The following CXADR variants were observed in gnomAD, a reference collection of about 807,000 sequenced individuals.
CXADR encodes the protein coxsackievirus and adenovirus receptor.
CXADR carries 20 observed loss-of-function variants against 40.3 expected under a neutral mutation model. The ratio of observed to expected loss-of-function variants is 0.50; its 90% confidence interval spans 0.35 to 0.72. The LOEUF (loss-of-function observed/expected upper bound fraction) is 0.72. Ranked by LOEUF, CXADR falls within the 30% of genes least tolerant of loss-of-function variation. CXADR has a pLI of 0.01. For missense variants in CXADR, 332 were observed against 449.1 expected, an observed-to-expected ratio of 0.74 and a Z score of 2.36; for synonymous variants, 150 against 161.3, an observed-to-expected ratio of 0.93 and a Z score of 0.53.
At position 17,551,846 on chromosome 21, in the gene CXADR, C is replaced by T. The variant is rs756663658; in HGVS notation, c.308C>T (p.Ala103Val). 7.4e-6 allele frequency: 12 copies of T among 1,613,850 alleles called. No individual in the cohort carries two copies. In the Admixed American group the frequency reaches 1.0e-4, roughly 13 times the overall value. The change falls in exon 3 of 7, where the codon GCA becomes GTA. Residue 103 changes from alanine to valine, a missense_variant. Physicochemically the swap from Ala to Val is moderately conservative, Grantham distance 64. This residue lies in a region of CXADR where 162 missense variants were observed against 198.5 expected (regional missense o/e 0.82). Transcript: ENST00000284878. ...FTSNDLKSGDASINVTNLQLS... is the reference protein window; with the variant it reads ...FTSNDLKSGDVSINVTNLQLS... The stretch of plus-strand genomic sequence containing the variant: ...AGTAATGATCTCAAATCTGGTGATG[C>T]ATCAATAAATGTAACGAATTTACAA...
At chr21:17,588,272 A>C (rs538464631) in intron 7 of CXADR, among the ~76,000 whole-genome samples, 139 of 152,322 alleles carry the variant, frequency 9.1e-4, no homozygotes, top group African/African-American at 3.3e-3. Flanking sequence ...TCTGTGAAGA[A>C]AGTCATTGGT....
chr21:17,609,097 A>T, the CXADR span: 33 of 1,613,930 alleles, frequency 2.0e-5, no homozygotes, highest in Non-Finnish European at 2.7e-5. Context: ...CATGTTTTCG[A>T]ACTAGCCTTG....
At chr21:17,556,430 C>G (rs191713567) in intron 3 of CXADR, among the ~76,000 whole-genome samples, 1 of 151,994 alleles carries the variant, frequency 6.6e-6, no homozygotes, top group Admixed American at 6.6e-5. Context: ...AAATAACTAT[C>G]CGTTATTAGA....
At chr21:17,563,670 G>C (rs1462009536) in intron 6 of CXADR, among the ~76,000 whole-genome samples, 1 of 151,732 alleles carries the variant, frequency 6.6e-6, no homozygotes, top group African/African-American at 2.4e-5. Context: ...GGCCGGGCAC[G>C]GTGGCTCACA....
intron 2 of CXADR, among the ~76,000 whole-genome samples, chr21:17,547,910 G>A (rs1057415066): frequency 6.6e-6 from 1 of 152,096 alleles, no homozygotes; most frequent in African/African-American, 2.4e-5. Context: ...AGAGTCTAAT[G>A]TAGAAAACTT....
At chr21:17,547,308 A>G (rs1157950439) in intron 2 of CXADR, 115 bp downstream of exon 2, 6 of 1,432,406 alleles carry the variant, frequency 4.2e-6, no homozygotes, top group African/African-American at 2.8e-5. Flanking sequence ...AAGCCCCCCA[A>G]CTTCTCAGGC....
the CXADR span, among the ~76,000 whole-genome samples, chr21:17,634,629 G>A: frequency 3.9e-5 from 6 of 152,232 alleles, no homozygotes; most frequent in Non-Finnish European, 1.5e-5. Context: ...GGTATTCCAT[G>A]CCTATGATAC....
the CXADR span, chr21:17,613,605 T>G: frequency 6.6e-6 from 1 of 152,230 alleles, no homozygotes; most frequent in South Asian, 2.1e-4. Context: ...CCAAAGATGT[T>G]GGCCAAAGGA....
chr21:17,583,466 T>C (rs2061374659), intron 7 of CXADR, among the ~76,000 whole-genome samples: 1 of 152,188 alleles, frequency 6.6e-6, no homozygotes, highest in African/African-American at 2.4e-5. Flanking sequence ...GAGATTAACT[T>C]GGGGTGGTTG....
At chr21:17,595,124 A>C (rs1273248141), downstream of CXADR, among the ~76,000 whole-genome samples, 1 of 152,078 alleles carries the variant, frequency 6.6e-6, no homozygotes, top group Admixed American at 6.6e-5. Context: ...ATTCTGATGT[A>C]GCCAGTTTAG....
chr21:17,636,258 C>T, the CXADR span, among the ~76,000 whole-genome samples: 2 of 152,268 alleles, frequency 1.3e-5, no homozygotes, highest in East Asian at 3.9e-4. Context: ...TCTCCCTTTC[C>T]AGTCTATTTG....
Position 17,566,419 on chromosome 21 carries a change from T to C in CXADR, c.*727T>C. On this transcript the variant is annotated 3_prime_UTR_variant, in exon 7 of 7. Transcript: ENST00000284878. ...GTTAGAACATTTGCTGTCAGCCACA[T>C]ATTGAGATGACACTAGGTGCAATAG... 1 of 985,422 alleles carries C rather than the reference T, an allele frequency of 1.0e-6. No individual in the cohort carries two copies. The highest frequency in any genetic ancestry group is 1.2e-6 in the Non-Finnish European group (1 of 829,934). 61.0% of individuals were successfully genotyped at this position (985,422 alleles called of 1,614,324 possible).
Position 17,567,922 on chromosome 21 carries a change from A to C in CXADR, c.*2230A>C, listed in dbSNP as rs2061232838. 4 of 981,318 alleles carry C rather than the reference A, an allele frequency of 4.1e-6. No individual in the cohort carries two copies. The highest frequency in any genetic ancestry group is 6.2e-5 in the Admixed American group (1 of 16,150). The allele number at this position is 981,318 out of a possible 1,614,324, so 60.8% of individuals were successfully genotyped here. On this transcript the variant is annotated 3_prime_UTR_variant, in exon 7 of 7. Transcript: ENST00000284878. ...TCTCTTCCCATATACTTCATATTTT[A>C]GAGGACATTGTTTTAAAGGCTTATG...
At chr21:17,526,157 T>C (rs1206650785) in intron 1 of CXADR, among the ~76,000 whole-genome samples, 1 of 152,102 alleles carries the variant, frequency 6.6e-6, no homozygotes, top group African/African-American at 2.4e-5. Flanking sequence ...GCACTAGGAG[T>C]TTTAGTTCCA....
chr21:17,520,898 G>A (rs142243666), intron 1 of CXADR, among the ~76,000 whole-genome samples: 1,774 of 152,304 alleles, frequency 0.012, 17 homozygotes, highest in Middle Eastern at 0.02. Flanking sequence ...ATGACAATGA[G>A]CTTAAGTTTG....
At chr21:17,580,255 C>T (rs2061350936) in intron 7 of CXADR, among the ~76,000 whole-genome samples, 1 of 152,218 alleles carries the variant, frequency 6.6e-6, no homozygotes, top group Non-Finnish European at 1.5e-5. Context: ...ACTCTCACTT[C>T]TGGGTTAACT....
intron 5 of CXADR, 92 bp from the exon 6 acceptor site, chr21:17,561,246 G>A: frequency 1.3e-6 from 1 of 771,954 alleles, no homozygotes; most frequent in Non-Finnish European, 1.9e-6. Flanking sequence ...GTTAACACGT[G>A]ATGAAATCAA....
chr21:17,586,343 C>T (rs1319102829), intron 7 of CXADR, among the ~76,000 whole-genome samples: 1 of 148,746 alleles, frequency 6.7e-6, no homozygotes, highest in Non-Finnish European at 1.5e-5. Context: ...TCCAATATTT[C>T]CCAAAGCTAA....
At chr21:17,588,534 T>C (rs1373970857) in intron 7 of CXADR, among the ~76,000 whole-genome samples, 1 of 152,142 alleles carries the variant, frequency 6.6e-6, no homozygotes, top group Non-Finnish European at 1.5e-5. Flanking sequence ...GGCTCTCTGT[T>C]TGTCTGTTAT....
Sources: allele counts gnomAD v4.1 joint callset (sites outside exome capture counted in the v4.1 genomes callset), GRCh38; gene constraint gnomAD v4.1.1; regional missense constraint gnomAD v4.1.1; transcripts MANE v1.5; gene names NCBI Gene and HGNC (gene_info 2026-07-23, HGNC 2026-07-21).